The following KLF17 variants were observed in gnomAD, a reference collection of about 807,000 sequenced individuals.
KLF17 encodes the protein KLF transcription factor 17, also known as Krueppel-like factor 17.
Under a neutral mutation model 34.2 loss-of-function variants are expected in KLF17, and 31 were observed. The ratio of observed to expected loss-of-function variants is 0.91; its 90% CI spans 0.68 to 1.22. KLF17 has a LOEUF of 1.22. Ranked by LOEUF, KLF17 falls within the 50% of genes most tolerant of loss-of-function variation. The pLI, the probability that KLF17 is intolerant of heterozygous loss-of-function variation, is 0.00. For missense variants in KLF17, 478 were observed against 505.2 expected, an observed-to-expected ratio of 0.95 and a Z score of 0.52; for synonymous variants, 179 against 186.7, an observed-to-expected ratio of 0.96 and a Z score of 0.34.
chr1:44,081,377 A>G, the KLF17 span, among the ~76,000 whole-genome samples: 1 of 151,692 alleles, frequency 6.6e-6, no homozygotes, highest in African/African-American at 2.4e-5. Context: ...CTCAAAACTC[A>G]AAGCTCTAGG....
the KLF17 span, among the ~76,000 whole-genome samples, chr1:44,060,659 A>G: frequency 6.6e-6 from 1 of 152,104 alleles, no homozygotes; most frequent in African/African-American, 2.4e-5. Context: ...TTACCTACTC[A>G]ACCCTAGTCA....
chr1:44,057,158 C>T, the KLF17 span, among the ~76,000 whole-genome samples: 1 of 151,958 alleles, frequency 6.6e-6, no homozygotes, highest in Non-Finnish European at 1.5e-5. Context: ...CAGTGGCTAG[C>T]CAACAAGAGA....
rs1409473882 is a variant in KLF17 at position 44,130,162 on chromosome 1, C to T, written c.891C>T (p.Arg297=). Residue 297 remains arginine, a synonymous_variant, in exon 2 of 4, where the codon CGC becomes CGT. Coordinates refer to ENST00000372299, the MANE Select transcript of KLF17 (RefSeq NM_173484.4). ...YENCGKAYTK[R]SHLVSHQRKH... Reference sequence around the variant, plus strand: ...ACTGCGGAAAAGCTTATACCAAACGCTCCCACCTCGTGAGCCACCAGCGCA... The same window carrying T: ...ACTGCGGAAAAGCTTATACCAAACGTTCCCACCTCGTGAGCCACCAGCGCA... 17 of 1,613,558 alleles carry T rather than the reference C, an allele frequency of 1.1e-5. No individual in the cohort carries two copies. Among genetic ancestry groups the T allele is most frequent in the Non-Finnish European group, 1.4e-5 (17 of 1,179,660 alleles).
At chr1:44,092,209 G>C in the KLF17 span, among the ~76,000 whole-genome samples, 2 of 151,972 alleles carry the variant, frequency 1.3e-5, no homozygotes, top group African/African-American at 4.8e-5. Flanking sequence ...GGGCGTGGTG[G>C]TGCATGCCTG....
the KLF17 span, among the ~76,000 whole-genome samples, chr1:44,062,496 G>A: frequency 6.6e-6 from 1 of 151,836 alleles, no homozygotes; most frequent in Admixed American, 6.6e-5. Context: ...TTGGAGCCAG[G>A]AGTTCCAGAT....
chr1:44,073,229 CAG>C, the KLF17 span, among the ~76,000 whole-genome samples: 1 of 121,992 alleles, frequency 8.2e-6, no homozygotes, highest in Non-Finnish European at 1.8e-5. Context: ...TTTTTTGAGA[CAG>C]AGTCTCACTC....
chr1:44,046,128 G>A, the KLF17 span: 3 of 71,918 alleles, frequency 4.2e-5, no homozygotes, highest in Non-Finnish European at 5.5e-5. Context: ...ATTTGGTAAA[G>A]GATAATAATA....
the KLF17 span, among the ~76,000 whole-genome samples, chr1:44,086,900 G>A: frequency 6.6e-6 from 1 of 152,326 alleles, no homozygotes. Flanking sequence ...CAGAGAGGAG[G>A]AGAGTTAATG....
chr1:44,081,934 T>G, the KLF17 span, among the ~76,000 whole-genome samples: 2 of 152,248 alleles, frequency 1.3e-5, no homozygotes, highest in African/African-American at 4.8e-5. Context: ...TTTTTTGTTG[T>G]TACATCATCT....
At chr1:44,065,498 C>T in the KLF17 span, among the ~76,000 whole-genome samples, 8 of 149,742 alleles carry the variant, frequency 5.3e-5, no homozygotes, top group African/African-American at 2.0e-4. Flanking sequence ...CAACCTCTGC[C>T]TCCTAGATTC....
At position 44,118,891 on chromosome 1, in the gene KLF17, G is replaced by C; in HGVS notation, c.-17G>C. ...CCCTGTCTCTTCAGTAGAGAGTCTA[G>C]ACCCCACCCAGTCTTCATGTACGGC... On this transcript the variant is annotated 5_prime_UTR_variant, in exon 1 of 4. Transcript: ENST00000372299. 6.2e-7 allele frequency: 1 copy of C among 1,605,458 alleles called. No individual in the cohort carries two copies. The highest frequency in any genetic ancestry group is 8.5e-7 in the Non-Finnish European group (1 of 1,176,210).
chr1:44,049,582 A>G, the KLF17 span, among the ~76,000 whole-genome samples: 85 of 152,314 alleles, frequency 5.6e-4, no homozygotes, highest in Non-Finnish European at 1.1e-3. Flanking sequence ...TCCCAGGGTC[A>G]AGCAATCCTC....
chr1:44,057,284 C>T, the KLF17 span, among the ~76,000 whole-genome samples: 5 of 152,094 alleles, frequency 3.3e-5, no homozygotes, highest in African/African-American at 4.8e-5. Context: ...TTACTAATTC[C>T]AAATATGGGT....
At chr1:44,069,550 CTCTAGTAAT>C in the KLF17 span, among the ~76,000 whole-genome samples, 1 of 151,478 alleles carries the variant, frequency 6.6e-6, no homozygotes, top group Admixed American at 6.6e-5. The surrounding 1 kb of genome is among the most constrained non-coding windows in gnomAD (Gnocchi z 4.7). Context: ...ACAAGCAGAT[CTCTAGTAAT>C]TCAGCGAGAA....
intron 1 of KLF17, among the ~76,000 whole-genome samples, chr1:44,119,908 A>T (rs1366161574): frequency 6.6e-6 from 1 of 152,236 alleles, no homozygotes; most frequent in East Asian, 1.9e-4. Context: ...GATTCAAGGC[A>T]ACAGTTAGAA....
the KLF17 span, among the ~76,000 whole-genome samples, chr1:44,054,779 CT>C: frequency 0.63 from 61,147 of 96,712 alleles, 18,190 homozygotes; most frequent in Admixed American, 0.72. Flanking sequence ...CCGTGCCCAG[CT>C]TTTTTTTTTT....
chr1:44,130,756 G>C lies in KLF17; in HGVS notation c.1170G>C (p.Ter390TyrextTer36), dbSNP rs1254172402. 1 of 1,613,792 alleles carries C rather than the reference G, an allele frequency of 6.2e-7. No individual in the cohort carries two copies. Among genetic ancestry groups the C allele is most frequent in the South Asian group, 1.1e-5 (1 of 91,048 alleles). The change falls in exon 3 of 4, where the codon TAG (stop) becomes TAC (tyrosine). Residue 390 changes from the stop codon to tyrosine, a stop_lost and splice_region_variant. Coordinates refer to ENST00000372299, the MANE Select transcript of KLF17 (RefSeq NM_173484.4). ...EQDSPPAAGP* is the reference protein window; with the variant it reads ...EQDSPPAAGPY ...ACAGTCCTCCTGCTGCTGGTCCTTA[G>C]GTCAGTCTCCTCTCCTCATTCTGGG...
intron 3 of KLF17, among the ~76,000 whole-genome samples, chr1:44,131,148 TGGTGGGTGTAGGATTAGATGAA>T (rs1190494078): frequency 2.0e-5 from 3 of 152,178 alleles, no homozygotes; most frequent in African/African-American, 7.2e-5. Flanking sequence ...TTCTTCTCTT[TGGTGGGTGTAGGATTAGATGAA>T]GACAGGAAGA....
the KLF17 span, among the ~76,000 whole-genome samples, chr1:44,061,873 G>A: frequency 1.3e-5 from 2 of 152,064 alleles, no homozygotes; most frequent in Non-Finnish European, 2.9e-5. Flanking sequence ...AGCTGAGATC[G>A]CACCACAGCA....
Sources: gnomAD v4.1 joint callset for allele counts (sites outside exome capture counted in the v4.1 genomes callset) on GRCh38, gnomAD v4.1.1 for gene constraint, Gnocchi (gnomAD v3.1) non-coding constraint, MANE v1.5 for transcripts, NCBI Gene and HGNC (gene_info 2026-07-23, HGNC 2026-07-21) for gene names.